PDCD1: variants seen among roughly 807,000 people sequenced by gnomAD.
The protein encoded by PDCD1 is programmed cell death 1, also known as programmed cell death protein 1.
Under a neutral mutation model 23.6 loss-of-function variants are expected in PDCD1, and 10 were observed. The observed-to-expected ratio is 0.42, with a 90% confidence interval of 0.26 to 0.72. The LOEUF is 0.72. Ranked by LOEUF, PDCD1 falls within the 30% of genes least tolerant of loss-of-function variation. PDCD1 has a pLI of 0.24. For synonymous variants in PDCD1, 168 were observed against 169.3 expected, an observed-to-expected ratio of 0.99 and a Z score of 0.06; for missense variants, 313 against 397.8, an observed-to-expected ratio of 0.79 and a Z score of 1.81.
In PDCD1 at chr2:241,850,979, G is replaced by C; in HGVS notation, c.*79C>G. On this transcript the variant is annotated 3_prime_UTR_variant, in exon 5 of 5. Transcript: ENST00000334409. ...GACGGCCTGCAATGGCCTGCACCCT[G>C]CCTGCTTCTCCTGAGGAAATGCGCT... 6.6e-7 allele frequency: 1 copy of C among 1,525,422 alleles called. No homozygotes were observed. Among genetic ancestry groups the C allele is most frequent in the Non-Finnish European group, 8.8e-7 (1 of 1,132,446 alleles). The allele number at this position is 1,525,422 out of a possible 1,614,324, so 94.5% of individuals were successfully genotyped here. A position where few individuals can be genotyped will look rare whatever the true frequency, so the allele number is the denominator to read the frequency against.
intron 1 of PDCD1, 48 bp from the exon 2 acceptor site, chr2:241,853,028 C>T (rs2124862091): frequency 6.6e-7 from 1 of 1,518,546 alleles, no homozygotes; most frequent in Non-Finnish European, 8.8e-7. Flanking sequence ...CCCCACAAAG[C>T]CTCCCCGGCC....
At chr2:241,855,802 C>T (rs1701012692) in intron 1 of PDCD1, among the ~76,000 whole-genome samples, 1 of 152,188 alleles carries the variant, frequency 6.6e-6, no homozygotes, top group Non-Finnish European at 1.5e-5. Flanking sequence ...GCGAGCTTGT[C>T]CCTAGAGGAC....
chr2:241,850,624 C>T lies in PDCD1; in HGVS notation c.*434G>A. ...TTTCGGGATGCCACTGCCAGGGGCA[C>T]CTTGGCTGCTCCAAGGCCATCTCCA... is the stretch of plus-strand genomic sequence containing the variant. On this transcript the variant is annotated 3_prime_UTR_variant, in exon 5 of 5. Coordinates refer to ENST00000334409, the MANE Select transcript of PDCD1 (RefSeq NM_005018.3). 2.2e-6 allele frequency: 1 copy of T among 449,866 alleles called. No individual in the cohort carries two copies. Among genetic ancestry groups the T allele is most frequent in the Non-Finnish European group, 4.2e-6 (1 of 239,622 alleles). The allele number at this position is 449,866 out of a possible 1,614,324, so 27.9% of individuals were successfully genotyped here.
intron 4 of PDCD1, 36 bp from the exon 5 acceptor site, chr2:241,851,333 G>A (rs756151517): frequency 6.4e-7 from 1 of 1,567,550 alleles, no homozygotes; most frequent in Non-Finnish European, 8.7e-7. Context: ...CAGCCCCACG[G>A]CCCACCGCAG....
rs1462573015 is a variant in PDCD1 at position 241,858,252 on chromosome 2, C to T, written c.76+511G>A. On this transcript the variant is annotated intron_variant, in intron 1 of 4. Coordinates refer to ENST00000334409, the MANE Select transcript of PDCD1 (RefSeq NM_005018.3). ...CACCAGCTCATCTAAACTTTGACGTCGTAAAGCCAAGGTTAGTCCCACATG... is the reference window on the plus strand; with the variant it reads ...CACCAGCTCATCTAAACTTTGACGTTGTAAAGCCAAGGTTAGTCCCACATG... Among the ~76,000 whole-genome samples the T allele has an allele frequency of 3.3e-5, 5 of 152,220 alleles. No homozygotes were observed. The East Asian group carries it at 5.8e-4, about 18-fold the overall frequency.
At chr2:241,857,538 G>T (rs1414246062) in intron 1 of PDCD1, among the ~76,000 whole-genome samples, 1 of 138,934 alleles carries the variant, frequency 7.2e-6, no homozygotes, top group Non-Finnish European at 1.5e-5. Flanking sequence ...TGGTTCCCCC[G>T]CAGTCGTCTC....
At chr2:241,857,665 C>T (rs1250566404) in intron 1 of PDCD1, among the ~76,000 whole-genome samples, 1 of 152,214 alleles carries the variant, frequency 6.6e-6, no homozygotes, top group Non-Finnish European at 1.5e-5. Context: ...AAGGCACGGC[C>T]CTGACAAGGA....
At chr2:241,853,036 G>A (rs1700942833) in intron 1 of PDCD1, 56 bp from the exon 2 acceptor site, 3 of 1,514,254 alleles carry the variant, frequency 2.0e-6, no homozygotes, top group Non-Finnish European at 1.8e-6. Context: ...AGCCTCCCCG[G>A]CCACCTGCTC....
intron 4 of PDCD1, 103 bp from the exon 5 acceptor site, chr2:241,851,400 C>T (rs56315366): frequency 4.9e-6 from 6 of 1,233,660 alleles, no homozygotes; most frequent in Admixed American, 4.8e-5. Flanking sequence ...ACCTGGGCCC[C>T]CCACTATGAG....
At chr2:241,855,628 G>A (rs887886371) in intron 1 of PDCD1, among the ~76,000 whole-genome samples, 1 of 152,196 alleles carries the variant, frequency 6.6e-6, no homozygotes, top group Admixed American at 6.5e-5. Context: ...GGGTGCTCCC[G>A]CAGAGAGACC....
chr2:241,854,283 C>G (rs1477103613), intron 1 of PDCD1, among the ~76,000 whole-genome samples: 2 of 152,358 alleles, frequency 1.3e-5, no homozygotes, highest in African/African-American at 2.4e-5. Flanking sequence ...GCGTGCCTGT[C>G]CCCCAGCTTC....
intron 1 of PDCD1, among the ~76,000 whole-genome samples, chr2:241,854,168 A>G (rs1371678528): frequency 2.0e-5 from 3 of 152,198 alleles, no homozygotes; most frequent in Non-Finnish European, 1.5e-5. Flanking sequence ...GCACCCTCCC[A>G]GGGGACGAGT....
intron 1 of PDCD1, among the ~76,000 whole-genome samples, chr2:241,853,960 G>T (rs772899350): frequency 6.6e-6 from 1 of 152,240 alleles, no homozygotes; most frequent in Non-Finnish European, 1.5e-5. Flanking sequence ...CCACAGCTGC[G>T]GTCCCTCTGC....
At chr2:241,851,918 G>A (rs776158996) in intron 4 of PDCD1, 31 bp downstream of exon 4, 6 of 1,603,012 alleles carry the variant, frequency 3.7e-6, no homozygotes, top group Non-Finnish European at 5.1e-6. Context: ...GGAAGGCACA[G>A]TGGATCATGC....
chr2:241,854,107 G>T (rs533188824), intron 1 of PDCD1, among the ~76,000 whole-genome samples: 1 of 152,370 alleles, frequency 6.6e-6, no homozygotes, highest in African/African-American at 2.4e-5. Context: ...CACCAGAGGT[G>T]GGTGGGTCTG....
In PDCD1 at chr2:241,851,129, C is replaced by T. The variant is rs1476348507; in HGVS notation, c.796G>A (p.Gly266Ser). The T allele has an allele frequency of 7.4e-6, 12 of 1,613,216 alleles. No homozygotes were observed. The East Asian group carries it at 2.7e-4, about 36-fold the overall frequency. Residue 266 changes from glycine to serine, a missense_variant, in exon 5 of 5, where the codon GGC (glycine) becomes AGC (serine). By Grantham distance (56) the Gly-to-Ser change is moderately conservative (BLOSUM62 0). Coordinates refer to ENST00000334409, the MANE Select transcript of PDCD1 (RefSeq NM_005018.3). ...GMGTSSPARR[G>S]SADGPRSAQP... ...GCACTCCGAGGGCCGTCAGCTGAGC[C>T]CCTGCGGGCGGGGGATGAGGTGCCC...
rs754424677 is a variant in PDCD1, at chr2:241,851,111, G to A, written c.814C>T (p.Arg272Trp). Residue 272 changes from arginine to tryptophan, a missense_variant, in exon 5 of 5, where the codon CGG (arginine) becomes TGG (tryptophan). Physicochemically the swap from Arg to Trp is moderately radical, Grantham distance 101. Coordinates refer to ENST00000334409, the MANE Select transcript of PDCD1 (RefSeq NM_005018.3). ...TCAGGCCTCAGTGGCTGGGCACTCC[G>A]AGGGCCGTCAGCTGAGCCCCTGCGG... ...PARRGSADGPRSAQPLRPEDG... is the reference protein window; with the variant it reads ...PARRGSADGPWSAQPLRPEDG... The A allele has an allele frequency of 1.3e-5, 21 of 1,613,008 alleles. No individual in the cohort carries two copies. Among genetic ancestry groups the A allele is most frequent in the African/African-American group, 1.2e-4 (9 of 74,938 alleles).
In PDCD1 at chr2:241,850,680, G is replaced by A. The variant is rs1489831129; in HGVS notation, c.*378C>T. 7.8e-6 allele frequency: 4 copies of A among 512,148 alleles called. No homozygotes were observed. The highest frequency in any genetic ancestry group is 2.8e-5 in the Admixed American group (1 of 35,550). The allele number at this position is 512,148 out of a possible 1,614,324, so 31.7% of individuals were successfully genotyped here. On this transcript the variant is annotated 3_prime_UTR_variant, in exon 5 of 5. Coordinates refer to ENST00000334409, the MANE Select transcript of PDCD1 (RefSeq NM_005018.3). Reference sequence around the variant, plus strand: ...CCCCCAAGTTCAGGCAGGAGGCTCCGGGGCGTCAGGCAGGGCCACGGCGCC... The same window carrying A: ...CCCCCAAGTTCAGGCAGGAGGCTCCAGGGCGTCAGGCAGGGCCACGGCGCC...
intron 1 of PDCD1, among the ~76,000 whole-genome samples, chr2:241,857,346 C>T (rs929031960): frequency 2.0e-4 from 31 of 152,146 alleles, no homozygotes; most frequent in African/African-American, 6.0e-4. Context: ...CCGGCACAAG[C>T]GCGGGCACCT....
Sources: gnomAD v4.1 joint callset for allele counts (sites outside exome capture counted in the v4.1 genomes callset) on GRCh38, gnomAD v4.1.1 for gene constraint, MANE v1.5 for transcripts, NCBI Gene and HGNC (gene_info 2026-07-23, HGNC 2026-07-21) for gene names.